Variants in SYTL2 observed in about 807,000 individuals in gnomAD.
SYTL2 encodes the protein synaptotagmin like 2, also known as synaptotagmin-like protein 2.
In SYTL2, 165 loss-of-function variants were observed where a neutral mutation model predicts 198.7. The ratio of observed to expected loss-of-function variants is 0.83; its 90% CI spans 0.73 to 0.94. SYTL2 has a LOEUF of 0.94. Among genes scored for constraint, SYTL2 ranks in the 40% least tolerant of loss-of-function variants. The pLI is 0.00. For missense variants in SYTL2, 2,835 were observed against 2,582.8 expected (o/e 1.10, Z -2.12); for synonymous variants, 966 against 917.7 (o/e 1.05, Z -0.95).
intron 8 of SYTL2, among the ~76,000 whole-genome samples, 170 bp from the exon 9 acceptor site, chr11:85,721,129 C>A (rs2088252595): frequency 1.3e-5 from 2 of 152,092 alleles, no homozygotes; most frequent in South Asian, 4.1e-4. Context: ...TATTAATATG[C>A]TCTTAAACAT....
intron 1 of SYTL2, among the ~76,000 whole-genome samples, chr11:85,764,025 C>A (rs2092170777): frequency 6.6e-6 from 1 of 152,222 alleles, no homozygotes; most frequent in African/African-American, 2.4e-5. Context: ...GGCATCCATG[C>A]CTAAAGCTGC....
chr11:85,821,935 A>C, the SYTL2 span, among the ~76,000 whole-genome samples: 1 of 152,242 alleles, frequency 6.6e-6, no homozygotes, highest in Admixed American at 6.5e-5. Context: ...CAGTGGCAGC[A>C]GAGCCAGCCA....
At chr11:85,826,668 T>G in the SYTL2 span, among the ~76,000 whole-genome samples, 1 of 152,240 alleles carries the variant, frequency 6.6e-6, no homozygotes, top group Non-Finnish European at 1.5e-5. Flanking sequence ...TCTAACGGTA[T>G]GTCAGAGAGA....
intron 3 of SYTL2, among the ~76,000 whole-genome samples, chr11:85,747,353 C>A (rs981182160): frequency 6.6e-6 from 1 of 151,872 alleles, no homozygotes; most frequent in African/African-American, 2.4e-5. Context: ...ATCATAGTAA[C>A]CTCCCTGGCC....
rs772600924 is a variant in SYTL2, at chr11:85,726,435, G to A, written c.2923C>T (p.Gln975Ter). Residue 975 changes from glutamine to a stop codon, truncating the protein, a stop_gained, in exon 8 of 20, where the codon CAG becomes TAG. Transcript: ENST00000359152. LOFTEE classifies it high-confidence loss of function. Reference protein sequence around the residue: ...KERMDEPNAEQVYNPSQFENL... With the variant: ...KERMDEPNAE Reference sequence around the variant, plus strand: ...TCAAACTGAGAGGGATTATAGACCTGTTCTGCATTGGGTTCATCCATTCTT... The same window carrying A: ...TCAAACTGAGAGGGATTATAGACCTATTCTGCATTGGGTTCATCCATTCTT... 4 of 1,613,370 alleles carry A rather than the reference G, an allele frequency of 2.5e-6. No homozygotes were observed. Among genetic ancestry groups the A allele is most frequent in the East Asian group, 4.5e-5 (2 of 44,874 alleles).
At chr11:85,800,542 C>G (rs188415835) in intron 1 of SYTL2, among the ~76,000 whole-genome samples, 4 of 152,052 alleles carry the variant, frequency 2.6e-5, no homozygotes, top group African/African-American at 9.7e-5. Context: ...GCCTCCCAAA[C>G]TGCTGAGATT....
rs147507187 is a variant in SYTL2 at position 85,748,356 on chromosome 11, C to T, written c.169G>A (p.Ala57Thr). ...KNMSGQWFYE[A>T]KAKRHRDKIH... Reference sequence around the variant, plus strand: ...TTGTCCCTGTGCCTTTTTGCCTTGGCTTCATAAAACCATTGGCCACTCATA... The same window carrying T: ...TTGTCCCTGTGCCTTTTTGCCTTGGTTTCATAAAACCATTGGCCACTCATA... Residue 57 changes from alanine to threonine, a missense_variant, in exon 3 of 20, where the codon GCC (alanine) becomes ACC (threonine). Ala to Thr is a moderately conservative substitution (Grantham distance 58). Around this residue, in one of 3 missense-constraint regions of SYTL2, gnomAD observed 2,645 missense variants for 2,381.7 expected, o/e 1.11. Transcript: ENST00000359152. 122 of 1,614,052 alleles carry T rather than the reference C, an allele frequency of 7.6e-5. No individual in the cohort carries two copies. The highest frequency in any genetic ancestry group is 9.9e-5 in the Non-Finnish European group (117 of 1,179,942).
At position 85,727,802 on chromosome 11, in the gene SYTL2, A is replaced by G. The variant is rs1359489754; in HGVS notation, c.1556T>C (p.Ile519Thr). The change falls in exon 8 of 20, where the codon ATA (isoleucine) becomes ACA (threonine). Residue 519 changes from isoleucine (I) to threonine (T), a missense_variant. Around this residue, in one of 3 missense-constraint regions of SYTL2, gnomAD observed 2,645 missense variants for 2,381.7 expected, o/e 1.11. Coordinates refer to ENST00000359152, the MANE Select transcript of SYTL2 (RefSeq NM_206927.4). ...GTTAAACCAGTCTAGAACTTTAAAT[A>G]TGGAATCATCAGTTGACTTCTTTAT... is the stretch of plus-strand genomic sequence containing the variant. ...TEIKKSTDDS[I>T]FKVLDWFNRS... 6.2e-7 allele frequency: 1 copy of G among 1,603,948 alleles called. No individual in the cohort carries two copies. The highest frequency in any genetic ancestry group is 1.7e-5 in the Admixed American group (1 of 58,316).
chr11:85,851,327 T>C, the SYTL2 span, among the ~76,000 whole-genome samples: 1 of 152,242 alleles, frequency 6.6e-6, no homozygotes, highest in East Asian at 1.9e-4. Flanking sequence ...AGGTAAAATG[T>C]CTGATTTACC....
intron 1 of SYTL2, among the ~76,000 whole-genome samples, chr11:85,804,384 A>G (rs1373745620): frequency 6.6e-6 from 1 of 152,180 alleles, no homozygotes. Context: ...ATTATATCAG[A>G]TTATCTTCCA....
At chr11:85,829,049 GTTTTTT>G in the SYTL2 span, among the ~76,000 whole-genome samples, 52 of 146,456 alleles carry the variant, frequency 3.6e-4, no homozygotes, top group African/African-American at 7.7e-4. Flanking sequence ...AAAGAGCTCT[GTTTTTT>G]TTTTTTTGTT....
the SYTL2 span, among the ~76,000 whole-genome samples, chr11:85,831,209 G>A: frequency 1.6e-4 from 24 of 152,288 alleles, no homozygotes; most frequent in African/African-American, 7.2e-5. Flanking sequence ...AAAGGCTCAA[G>A]TTCACCAGTA....
At chr11:85,713,852 C>T (rs1182677504) in intron 12 of SYTL2, among the ~76,000 whole-genome samples, 1 of 152,128 alleles carries the variant, frequency 6.6e-6, no homozygotes, top group African/African-American at 2.4e-5. Context: ...TGCTCCAGTC[C>T]TGGTTGAACC....
chr11:85,786,267 G>A (rs1013459056), intron 1 of SYTL2, among the ~76,000 whole-genome samples: 8 of 152,208 alleles, frequency 5.3e-5, no homozygotes, highest in African/African-American at 1.9e-4. Context: ...GGAGGCTGTA[G>A]GGAGGTGGGT....
intron 1 of SYTL2, among the ~76,000 whole-genome samples, chr11:85,799,810 A>G (rs188367889): frequency 1.2e-3 from 189 of 152,286 alleles, no homozygotes; most frequent in East Asian, 5.2e-3. Flanking sequence ...GTAATTACAG[A>G]TATCTATTTT....
At chr11:85,723,343 T>C (rs1477016951) in intron 8 of SYTL2, among the ~76,000 whole-genome samples, 4 of 152,148 alleles carry the variant, frequency 2.6e-5, no homozygotes, top group Non-Finnish European at 5.9e-5. Flanking sequence ...GCCAAAGTCA[T>C]ACTCTAGAAA....
the SYTL2 span, among the ~76,000 whole-genome samples, chr11:85,835,289 T>G: frequency 6.6e-6 from 1 of 152,182 alleles, no homozygotes; most frequent in African/African-American, 2.4e-5. Context: ...TAACAAAAAC[T>G]AAATTAATTT....
At chr11:85,792,944 C>T (rs1188368122) in intron 1 of SYTL2, among the ~76,000 whole-genome samples, 15 of 151,602 alleles carry the variant, frequency 9.9e-5, no homozygotes, top group Non-Finnish European at 4.4e-5. Context: ...CATGTCCCTA[C>T]AAAGGACATG....
At chr11:85,696,430 A>G (rs1284726786) in intron 18 of SYTL2, 42 bp from the exon 19 acceptor site, 2 of 1,465,638 alleles carry the variant, frequency 1.4e-6, no homozygotes, top group Non-Finnish European at 1.9e-6. Flanking sequence ...TTAGTAAGAT[A>G]GTGAACATTC....
Sources: gnomAD v4.1 joint callset for allele counts (sites outside exome capture counted in the v4.1 genomes callset) on GRCh38, gnomAD v4.1.1 for gene constraint, gnomAD v4.1.1 regional missense constraint, MANE v1.5 for transcripts, NCBI Gene and HGNC (gene_info 2026-07-23, HGNC 2026-07-21) for gene names.